Variants in IL34 observed in about 807,000 individuals in gnomAD.
IL34 encodes interleukin-34.
A neutral mutation model predicts 25.3 loss-of-function variants in IL34; 17 were observed. That is an observed-to-expected ratio of 0.67 (90% CI 0.46 to 1.01). The LOEUF (loss-of-function observed/expected upper bound fraction) is 1.01, where lower values mean the gene tolerates loss of function less well. Ranked by LOEUF, IL34 falls within the 50% of genes least tolerant of loss-of-function variation. IL34 has a pLI of 0.00. For synonymous variants in IL34, 174 were observed against 140.9 expected (o/e 1.23, Z -1.66); for missense variants, 368 against 312.9 (o/e 1.18, Z -1.33).
chr16:70,654,294 G>A, intron 1 of IL34: 1 of 381,964 alleles, frequency 2.6e-6, no homozygotes, highest in Non-Finnish European at 4.7e-6. Context: ...TGCCTCCTGG[G>A]GGGCTCCAGT....
At chr16:70,607,198 T>C (rs1435288803) in intron 1 of IL34, among the ~76,000 whole-genome samples, 1 of 152,128 alleles carries the variant, frequency 6.6e-6, no homozygotes, top group African/African-American at 2.4e-5. Flanking sequence ...ACCTCCTGGG[T>C]TCACGCTATT....
chr16:70,614,268 ATG>A (rs2051141007), intron 1 of IL34, among the ~76,000 whole-genome samples: 1 of 151,926 alleles, frequency 6.6e-6, no homozygotes, highest in Non-Finnish European at 1.5e-5. Flanking sequence ...ATTCCAGGTA[ATG>A]TGTCTGTATG....
At chr16:70,655,813 AC>A (rs1253710620) in intron 2 of IL34, among the ~76,000 whole-genome samples, 1 of 152,010 alleles carries the variant, frequency 6.6e-6, no homozygotes, top group East Asian at 1.9e-4. Flanking sequence ...TGCTCAAGTG[AC>A]TGTCTCTCCT....
chr16:70,654,855 G>A (rs536342335), intron 2 of IL34, among the ~76,000 whole-genome samples, 184 bp downstream of exon 2: 31 of 152,128 alleles, frequency 2.0e-4, no homozygotes, highest in African/African-American at 7.2e-4. Flanking sequence ...CCCTCCTCCT[G>A]CCATCTCCTG....
intron 1 of IL34, among the ~76,000 whole-genome samples, chr16:70,590,398 C>T (rs1453993075): frequency 6.6e-6 from 1 of 152,178 alleles, no homozygotes; most frequent in East Asian, 1.9e-4. Flanking sequence ...TTAGCGGAGG[C>T]AGGTAAGGAG....
chr16:70,629,953 TTCTG>T (rs142734188), intron 1 of IL34, among the ~76,000 whole-genome samples: 5,152 of 152,266 alleles, frequency 0.034, 313 homozygotes, highest in African/African-American at 0.12. Flanking sequence ...CTCTTATTCA[TTCTG>T]TCTATGTTTT....
upstream of IL34, among the ~76,000 whole-genome samples, chr16:70,643,107 G>T (rs1411363647): frequency 1.3e-5 from 2 of 151,536 alleles, no homozygotes; most frequent in African/African-American, 4.9e-5. Context: ...CTGTCACCCA[G>T]GCTGGAGTGC....
upstream of IL34, among the ~76,000 whole-genome samples, chr16:70,643,444 C>T (rs964234380): frequency 1.3e-5 from 2 of 152,218 alleles, no homozygotes; most frequent in African/African-American, 4.8e-5. Context: ...GATCATGGTT[C>T]ACTGCAGCCT....
chr16:70,640,504 AT>A (rs996550165), intron 1 of IL34, among the ~76,000 whole-genome samples: 2 of 151,848 alleles, frequency 1.3e-5, no homozygotes, highest in Non-Finnish European at 2.9e-5. Flanking sequence ...CATGCCTGTA[AT>A]CCCAGCTACT....
intron 1 of IL34, among the ~76,000 whole-genome samples, chr16:70,602,795 C>T (rs1222890042): frequency 6.6e-6 from 1 of 152,072 alleles, no homozygotes; most frequent in Non-Finnish European, 1.5e-5. Flanking sequence ...CTGCTTCAGT[C>T]TCCCATGTGG....
chr16:70,593,737 G>T (rs1430017495), intron 1 of IL34, among the ~76,000 whole-genome samples: 1 of 151,970 alleles, frequency 6.6e-6, no homozygotes, highest in African/African-American at 2.4e-5. Context: ...GTGTTGCCCA[G>T]CCTGATCTCA....
At chr16:70,652,138 TAAATAA>T (rs528232214) in intron 1 of IL34, among the ~76,000 whole-genome samples, 36 of 142,760 alleles carry the variant, frequency 2.5e-4, no homozygotes, top group African/African-American at 8.3e-4. Context: ...AAAAAAAAAA[TAAATAA>T]AAATAAAAAT....
intron 1 of IL34, among the ~76,000 whole-genome samples, chr16:70,583,006 G>A (rs1292533461): frequency 1.3e-5 from 2 of 152,186 alleles, no homozygotes; most frequent in Admixed American, 6.5e-5. Flanking sequence ...AGGGAGCGGC[G>A]GAGTGGGAGA....
At position 70,659,967 on chromosome 16, in the gene IL34, G is replaced by C. The variant is rs577167294; in HGVS notation, c.539-30G>C. ...GAGGGTGGTCTTGAACACTGCTGCA[G>C]TCTTTTTTTTTTTCCCCTATCTCTT... is the stretch of plus-strand genomic sequence containing the variant. On this transcript the variant is annotated intron_variant, in intron 5 of 5. Coordinates refer to ENST00000288098, the MANE Select transcript of IL34 (RefSeq NM_001393494.1). 77 of 1,495,546 alleles carry C rather than the reference G, an allele frequency of 5.1e-5. 1 individual carries two copies. The South Asian group carries it at 9.8e-4, about 19-fold the overall frequency. The allele number at this position is 1,495,546 out of a possible 1,614,324, so 92.6% of individuals were successfully genotyped here.
intron 1 of IL34, among the ~76,000 whole-genome samples, chr16:70,584,785 C>T (rs2050672680): frequency 6.6e-6 from 1 of 152,066 alleles, no homozygotes; most frequent in African/African-American, 2.4e-5. Context: ...ACTGCAACCT[C>T]TGCCTCTTTG....
intron 1 of IL34, among the ~76,000 whole-genome samples, chr16:70,653,367 C>T (rs1322564365): frequency 6.9e-6 from 1 of 145,938 alleles, no homozygotes; most frequent in African/African-American, 2.5e-5. Context: ...AAAAAAAGCC[C>T]CAACAACCCA....
chr16:70,593,943 T>C (rs1597736674), intron 1 of IL34, among the ~76,000 whole-genome samples: 1 of 152,346 alleles, frequency 6.6e-6, no homozygotes, highest in Non-Finnish European at 1.5e-5. Context: ...CAGTTGACTA[T>C]ATTTGTGTGA....
intron 1 of IL34, among the ~76,000 whole-genome samples, chr16:70,628,165 G>T (rs894489895): frequency 1.4e-4 from 21 of 152,024 alleles, no homozygotes; most frequent in Non-Finnish European, 2.4e-4. Context: ...ATTAATTGTG[G>T]TCGAGCACCT....
upstream of IL34, among the ~76,000 whole-genome samples, chr16:70,642,708 G>A (rs959626427): frequency 6.6e-6 from 1 of 152,152 alleles, no homozygotes; most frequent in Non-Finnish European, 1.5e-5. Context: ...CACATTAGGG[G>A]TTACAACTTC....
Sources: allele counts gnomAD v4.1 joint callset (sites outside exome capture counted in the v4.1 genomes callset), GRCh38; gene constraint gnomAD v4.1.1; transcripts MANE v1.5; gene names NCBI Gene and HGNC (gene_info 2026-07-23, HGNC 2026-07-21).